ATE1: variants seen among roughly 807,000 people sequenced by gnomAD.
ATE1 encodes the protein arginyltransferase 1.
In ATE1, 36 loss-of-function variants were observed where a neutral mutation model predicts 70.5. The ratio of observed to expected loss-of-function variants is 0.51; its 90% CI spans 0.39 to 0.67. The LOEUF (loss-of-function observed/expected upper bound fraction) is 0.67, where lower values mean the gene tolerates loss of function less well. Ranked by LOEUF, ATE1 falls within the 30% of genes least tolerant of loss-of-function variation. The probability of loss-of-function intolerance (pLI) is 0.00; values close to 1 mark genes in which losing one functional copy is unlikely to be tolerated. For missense variants in ATE1, 593 were observed against 629.5 expected (o/e 0.94, Z 0.62); for synonymous variants, 232 against 219.3 (o/e 1.06, Z -0.51).
intron 8 of ATE1, among the ~76,000 whole-genome samples, chr10:121,867,018 A>G (rs1949688783): frequency 6.6e-6 from 1 of 152,162 alleles, no homozygotes; most frequent in Non-Finnish European, 1.5e-5. Flanking sequence ...TGTTAACTAC[A>G]TTAAAATGTA....
chr10:121,888,527 T>C (rs796222100), intron 7 of ATE1, among the ~76,000 whole-genome samples: 86 of 152,294 alleles, frequency 5.6e-4, no homozygotes, highest in African/African-American at 1.9e-3. Flanking sequence ...TGCTGCTTGA[T>C]ATGATACAGT....
intron 10 of ATE1, among the ~76,000 whole-genome samples, chr10:121,818,654 A>C (rs1947660055): frequency 6.6e-6 from 1 of 152,216 alleles, no homozygotes. Context: ...TTCTAAATAC[A>C]CCCCACTGGA....
chr10:121,806,839 T>A (rs1947118162), intron 10 of ATE1, among the ~76,000 whole-genome samples: 1 of 152,228 alleles, frequency 6.6e-6, no homozygotes, highest in Non-Finnish European at 1.5e-5. Context: ...CGGGTGTTCA[T>A]TATGCTGTTC....
chr10:121,779,935 CCA>C (rs1452132185), intron 11 of ATE1, among the ~76,000 whole-genome samples: 1 of 152,166 alleles, frequency 6.6e-6, no homozygotes, highest in African/African-American at 2.4e-5. Context: ...TTTCTTGATC[CCA>C]CACTCTGGGC....
At position 121,913,029 on chromosome 10, in the gene ATE1, G is replaced by A. The variant is rs181093030; in HGVS notation, c.337+761C>T. 7.8e-4 allele frequency among the ~76,000 whole-genome samples: 118 copies of A among 152,132 alleles called. 1 individual carries two copies. The East Asian group carries it at 0.02, about 26-fold the overall frequency. On this transcript the variant is annotated intron_variant, in intron 4 of 11. Coordinates refer to ENST00000224652, the MANE Select transcript of ATE1 (RefSeq NM_001001976.3). The stretch of plus-strand genomic sequence containing the variant: ...CAAGTAGCTGGGACTACAGGCGCCT[G>A]CCACCACGCCAGGCTAATTTTTTGT...
intron 1 of ATE1, among the ~76,000 whole-genome samples, chr10:121,926,517 C>A (rs1365064674): frequency 6.6e-6 from 1 of 152,128 alleles, no homozygotes; most frequent in African/African-American, 2.4e-5. Flanking sequence ...GGAAAGGTTG[C>A]AGGCAGGTTT....
At chr10:121,771,142 G>C (rs138701756) in intron 11 of ATE1, among the ~76,000 whole-genome samples, 2 of 152,050 alleles carry the variant, frequency 1.3e-5, no homozygotes, top group East Asian at 3.9e-4. Context: ...CGCAATCTCC[G>C]CTCACTGCAA....
intron 1 of ATE1, chr10:121,926,634 C>T (rs1952102676): frequency 2.6e-5 from 20 of 754,890 alleles, no homozygotes; most frequent in Non-Finnish European, 3.2e-5. Flanking sequence ...ATTTTAGGCA[C>T]GTTTAATGTA....
chr10:121,838,932 T>G (rs1306226557), intron 9 of ATE1, among the ~76,000 whole-genome samples: 2 of 152,210 alleles, frequency 1.3e-5, no homozygotes, highest in African/African-American at 2.4e-5. Flanking sequence ...ATTGTTGGAT[T>G]GCTTAAGAAA....
At chr10:121,816,916 T>C (rs531023870) in intron 10 of ATE1, among the ~76,000 whole-genome samples, 1 of 152,348 alleles carries the variant, frequency 6.6e-6, no homozygotes, top group East Asian at 1.9e-4. Flanking sequence ...GAACTACAAA[T>C]GTTCTAAATT....
chr10:121,750,721 C>T (rs7096566), intron 11 of ATE1, among the ~76,000 whole-genome samples: 16,984 of 152,210 alleles, frequency 0.11, 1,068 homozygotes, highest in Admixed American at 0.18. Context: ...CTCTTAACTT[C>T]ATTATTTACT....
chr10:121,868,924 G>T (rs1949755306), intron 8 of ATE1, among the ~76,000 whole-genome samples: 1 of 152,270 alleles, frequency 6.6e-6, no homozygotes, highest in African/African-American at 2.4e-5. Flanking sequence ...TAAACAAAAT[G>T]TTATAAAAGC....
intron 11 of ATE1, among the ~76,000 whole-genome samples, chr10:121,765,837 T>C (rs7893651): frequency 0.83 from 126,410 of 152,154 alleles, 52,855 homozygotes; most frequent in Non-Finnish European, 0.89. Context: ...AGACTTCCAT[T>C]TAATTTTATT....
At chr10:121,911,809 C>G (rs972493669) in intron 4 of ATE1, among the ~76,000 whole-genome samples, 22 of 151,936 alleles carry the variant, frequency 1.4e-4, no homozygotes, top group Non-Finnish European at 3.1e-4. Context: ...TGCAGGGGCG[C>G]GACCTCGGCT....
chr10:121,749,773 C>T (rs972418315), intron 11 of ATE1, among the ~76,000 whole-genome samples: 6 of 152,164 alleles, frequency 3.9e-5, no homozygotes, highest in Non-Finnish European at 8.8e-5. Flanking sequence ...ACCAAACACC[C>T]ATCCAAGTTA....
chr10:121,885,731 C>G (rs1288937225), intron 7 of ATE1, among the ~76,000 whole-genome samples: 1 of 151,846 alleles, frequency 6.6e-6, no homozygotes. Flanking sequence ...GAAACCCTGT[C>G]CCTACTAAAA....
chr10:121,758,685 C>T (rs541273006), intron 11 of ATE1, among the ~76,000 whole-genome samples: 1 of 152,128 alleles, frequency 6.6e-6, no homozygotes, highest in African/African-American at 2.4e-5. Context: ...TTGTGGCAAC[C>T]CTGCATTGAG....
chr10:121,853,461 A>C (rs1244686255), intron 8 of ATE1, among the ~76,000 whole-genome samples: 2 of 152,156 alleles, frequency 1.3e-5, no homozygotes, highest in Non-Finnish European at 2.9e-5. Context: ...ACTGAGAAAT[A>C]ATGTTCAAAG....
intron 11 of ATE1, among the ~76,000 whole-genome samples, chr10:121,748,600 G>A (rs912536232): frequency 6.6e-6 from 1 of 151,382 alleles, no homozygotes; most frequent in Non-Finnish European, 1.5e-5. Context: ...TTAATTGACA[G>A]CATTTTTATA....
Sources: gnomAD v4.1 joint callset for allele counts (sites outside exome capture counted in the v4.1 genomes callset) on GRCh38, gnomAD v4.1.1 for gene constraint, MANE v1.5 for transcripts, NCBI Gene and HGNC (gene_info 2026-07-23, HGNC 2026-07-21) for gene names.